Variants in APBA2 observed in about 807,000 individuals in gnomAD.
APBA2 encodes amyloid-beta A4 precursor protein-binding family A member 2.
A neutral mutation model predicts 75.0 loss-of-function variants in APBA2; 30 were observed. That is an observed-to-expected ratio of 0.40 (90% confidence interval 0.30 to 0.54). The LOEUF (loss-of-function observed/expected upper bound fraction) is 0.54. Ranked by LOEUF, APBA2 falls within the 20% of genes least tolerant of loss-of-function variation. APBA2 has a pLI of 0.49. For synonymous variants in APBA2, 444 were observed against 409.6 expected, an observed-to-expected ratio of 1.08 and a Z score of -1.01; for missense variants, 801 against 1,016.1, an observed-to-expected ratio of 0.79 and a Z score of 2.88.
At chr15:29,015,899 G>GC (rs964117843) in intron 3 of APBA2, among the ~76,000 whole-genome samples, 2 of 152,128 alleles carry the variant, frequency 1.3e-5, no homozygotes, top group Admixed American at 6.5e-5. Context: ...CTGCCCCCTG[G>GC]CCCCCCACTT....
intron 1 of APBA2, chr15:28,895,382 C>T (rs954797626): frequency 3.9e-5 from 6 of 152,342 alleles, no homozygotes; most frequent in Non-Finnish European, 8.8e-5. Flanking sequence ...GGAAAGAGAG[C>T]GGGAGCAGCA....
intron 2 of APBA2, among the ~76,000 whole-genome samples, chr15:28,969,926 G>A (rs549298189): frequency 1.3e-5 from 2 of 152,356 alleles, no homozygotes; most frequent in African/African-American, 2.4e-5. Flanking sequence ...CAGGCCGGGC[G>A]GGCAGAGCCT....
intron 1 of APBA2, among the ~76,000 whole-genome samples, chr15:28,889,601 C>G (rs145328312): frequency 0.45 from 68,026 of 152,142 alleles, 15,526 homozygotes; most frequent in Non-Finnish European, 0.47. Context: ...TGGGTTGTCC[C>G]CACCCCATCC....
intron 4 of APBA2, among the ~76,000 whole-genome samples, chr15:29,062,117 C>T (rs775268732): frequency 8.5e-5 from 13 of 152,068 alleles, no homozygotes; most frequent in African/African-American, 1.9e-4. Flanking sequence ...CATGGTCTGC[C>T]TGGGAAGGGG....
chr15:29,118,263 C>A lies in APBA2; in HGVS notation c.*1130C>A, dbSNP rs1178394338. Reference sequence around the variant, plus strand: ...GAGTGCCGTGTGTTGCATGCAGCTACCCGTAGGAAGACTTCGCGCATATCA... The same window carrying A: ...GAGTGCCGTGTGTTGCATGCAGCTAACCGTAGGAAGACTTCGCGCATATCA... On this transcript the variant is annotated 3_prime_UTR_variant, in exon 15 of 15. Coordinates refer to ENST00000683413, the MANE Select transcript of APBA2 (RefSeq NM_001353788.2). 2 of 152,528 alleles carry A rather than the reference C, an allele frequency of 1.3e-5. No homozygotes were observed. The highest frequency in any genetic ancestry group is 4.8e-5 in the African/African-American group (2 of 41,476). 9.4% of individuals were successfully genotyped at this position (152,528 alleles called of 1,614,324 possible). A position where few individuals can be genotyped will look rare whatever the true frequency, so the allele number is the denominator to read the frequency against.
chr15:28,905,779 G>T (rs1316543540), intron 1 of APBA2, among the ~76,000 whole-genome samples: 2 of 152,168 alleles, frequency 1.3e-5, no homozygotes, highest in African/African-American at 2.4e-5. Flanking sequence ...AGTGGAATTT[G>T]GGGCTGAGAA....
chr15:29,089,159 GC>G (rs1489217847), intron 6 of APBA2, among the ~76,000 whole-genome samples: 3 of 152,204 alleles, frequency 2.0e-5, no homozygotes, highest in African/African-American at 7.2e-5. Flanking sequence ...TCACTGTGTA[GC>G]CTGTGAGCTC....
chr15:29,052,270 A>G (rs1490740917), intron 3 of APBA2, among the ~76,000 whole-genome samples: 1 of 151,970 alleles, frequency 6.6e-6, no homozygotes, highest in Admixed American at 6.6e-5. Flanking sequence ...CCTAGCTAAC[A>G]CGGTGAAACC....
chr15:28,919,661 G>C lies in APBA2; in HGVS notation c.-204-1979G>C, dbSNP rs553352977. The stretch of plus-strand genomic sequence containing the variant: ...CAGCTTCATCAGCACACCCTGCAGC[G>C]GGGACTCAGTGAGCATCCTGCAGCT... On this transcript the variant is annotated intron_variant, in intron 1 of 14. Transcript: ENST00000683413. 3.9e-5 allele frequency among the ~76,000 whole-genome samples: 6 copies of C among 152,308 alleles called. No homozygotes were observed. The East Asian group carries it at 9.7e-4, about 25-fold the overall frequency.
intron 2 of APBA2, among the ~76,000 whole-genome samples, chr15:28,947,412 C>T (rs953216072): frequency 1.3e-5 from 2 of 152,154 alleles, no homozygotes; most frequent in Admixed American, 6.5e-5. Context: ...AGAGGCTGTG[C>T]GTTCTCTCGG....
chr15:29,104,494 C>T (rs1011023692), intron 10 of APBA2, among the ~76,000 whole-genome samples: 5 of 152,252 alleles, frequency 3.3e-5, no homozygotes, highest in Admixed American at 3.3e-4. Context: ...AGTGCTGTTT[C>T]AGTGTCCAGG....
intron 2 of APBA2, among the ~76,000 whole-genome samples, chr15:28,984,671 GTA>G (rs1223926726): frequency 1.3e-5 from 2 of 150,292 alleles, no homozygotes; most frequent in South Asian, 2.1e-4. Context: ...GGGAGCTGCT[GTA>G]TATCTCTCTC....
intron 1 of APBA2, among the ~76,000 whole-genome samples, chr15:28,919,149 T>C (rs1287977806): frequency 6.6e-6 from 1 of 152,190 alleles, no homozygotes; most frequent in Non-Finnish European, 1.5e-5. Context: ...CGTGAGCCAC[T>C]GCGCCCGGCC....
chr15:28,956,072 G>A (rs1374235678), intron 2 of APBA2, among the ~76,000 whole-genome samples: 2 of 152,170 alleles, frequency 1.3e-5, no homozygotes, highest in East Asian at 1.9e-4. Context: ...TGAGGACTCC[G>A]GTCTGTGGTT....
chr15:28,950,377 C>T (rs1443632955), intron 2 of APBA2, among the ~76,000 whole-genome samples: 1 of 151,816 alleles, frequency 6.6e-6, no homozygotes, highest in Admixed American at 6.6e-5. Flanking sequence ...GCCTGTAATC[C>T]CAGCACTTTG....
At chr15:28,926,845 C>T (rs1406513973) in intron 2 of APBA2, among the ~76,000 whole-genome samples, 5 of 131,250 alleles carry the variant, frequency 3.8e-5, no homozygotes, top group Non-Finnish European at 6.0e-5. Context: ...TCACTCCACT[C>T]TCTCTCTCTC....
intron 1 of APBA2, among the ~76,000 whole-genome samples, chr15:28,900,065 G>C (rs2032758110): frequency 6.6e-6 from 1 of 152,148 alleles, no homozygotes; most frequent in Admixed American, 6.5e-5. Context: ...TCCTTTCTAG[G>C]TGAGGAGTTG....
intron 4 of APBA2, among the ~76,000 whole-genome samples, chr15:29,058,874 T>G (rs1003542471): frequency 6.6e-6 from 1 of 152,250 alleles, no homozygotes; most frequent in Non-Finnish European, 1.5e-5. Flanking sequence ...AGAATTCCAC[T>G]GTAGAGTTTT....
Position 28,991,633 on chromosome 15 carries a change from A to G in APBA2, c.-94-4120A>G, listed in dbSNP as rs2038238590. On this transcript the variant is annotated intron_variant, in intron 2 of 14. Transcript: ENST00000683413. This position sits in a 1 kb window ranked among gnomAD's most constrained non-coding sequence, Gnocchi z 4.7. ...ATACCTGCCTTTCAGTATGGGCTGCAGCCATTAGGCTGGTACCAGGAGGAG... is the reference window on the plus strand; with the variant it reads ...ATACCTGCCTTTCAGTATGGGCTGCGGCCATTAGGCTGGTACCAGGAGGAG... Among the ~76,000 whole-genome samples the G allele has an allele frequency of 6.6e-6, 1 of 152,142 alleles. No individual in the cohort carries two copies. Among genetic ancestry groups the G allele is most frequent in the African/African-American group, 2.4e-5 (1 of 41,426 alleles).
Sources: gnomAD v4.1 joint callset for allele counts (sites outside exome capture counted in the v4.1 genomes callset) on GRCh38, gnomAD v4.1.1 for gene constraint, Gnocchi (gnomAD v3.1) non-coding constraint, MANE v1.5 for transcripts, NCBI Gene and HGNC (gene_info 2026-07-23, HGNC 2026-07-21) for gene names.